NALF1: variants seen among roughly 807,000 people sequenced by gnomAD.
NALF1 encodes the protein family with sequence similarity 155 member A.
NALF1 carries 3 observed loss-of-function variants against 48.4 expected under a neutral mutation model. The observed-to-expected ratio is 0.06, with a 90% confidence interval of 0.03 to 0.16. The LOEUF is 0.16. Ranked by LOEUF, NALF1 falls within the 10% of genes least tolerant of loss-of-function variation. The pLI is 1.00. For synonymous variants in NALF1, 262 were observed against 245.7 expected (o/e 1.07, Z -0.62); for missense variants, 526 against 571.5 (o/e 0.92, Z 0.81).
rs370889076 is a variant in NALF1 at position 107,359,972 on chromosome 13, G to A, written c.916-149217C>T. Among the ~76,000 whole-genome samples, 7 of 152,162 alleles carry A rather than the reference G, an allele frequency of 4.6e-5. No individual in the cohort carries two copies. In the South Asian group the frequency reaches 1.5e-3, roughly 32 times the overall value. ...TAATCATTTTTACTATGGGCACAAG[G>A]GAGAAATTGATTTCTAAAGTTGATG... On this transcript the variant is annotated intron_variant, in intron 1 of 2. Transcript: ENST00000375915.
intron 1 of NALF1, among the ~76,000 whole-genome samples, chr13:107,244,064 C>A (rs1880529514): frequency 6.6e-6 from 1 of 152,180 alleles, no homozygotes; most frequent in African/African-American, 2.4e-5. Flanking sequence ...GACTTCATAA[C>A]AATCTGTGCC....
chr13:107,220,599 G>A (rs1879971615), intron 1 of NALF1, among the ~76,000 whole-genome samples: 1 of 152,180 alleles, frequency 6.6e-6, no homozygotes, highest in Non-Finnish European at 1.5e-5. Flanking sequence ...CAGTAGATAG[G>A]TGCCTTGGGG....
rs965343318 is a variant in NALF1 at position 107,239,229 on chromosome 13, T to C, written c.916-28474A>G. On this transcript the variant is annotated intron_variant, in intron 1 of 2. Transcript: ENST00000375915. ...GAATTTATTCTCTCACAGTTATGGA[T>C]GCTAGAAGGCCAAAACTGAAGCGCC... Among the ~76,000 whole-genome samples, 6 of 152,332 alleles carry C rather than the reference T, an allele frequency of 3.9e-5. 1 individual carries two copies. Among genetic ancestry groups the C allele is most frequent in the Admixed American group, 6.5e-5 (1 of 15,306 alleles).
chr13:107,823,307 T>C (rs1879410833), intron 1 of NALF1, among the ~76,000 whole-genome samples: 1 of 152,180 alleles, frequency 6.6e-6, no homozygotes, highest in Non-Finnish European at 1.5e-5. Context: ...TTCAAGACCC[T>C]CACCCTTGCT....
At chr13:107,863,479 T>C (rs938658427) in intron 1 of NALF1, among the ~76,000 whole-genome samples, 4 of 152,134 alleles carry the variant, frequency 2.6e-5, no homozygotes, top group African/African-American at 9.7e-5. Flanking sequence ...TATTTCAAGT[T>C]TACAAGAAAC....
intron 1 of NALF1, among the ~76,000 whole-genome samples, chr13:107,490,068 A>T (rs537413424): frequency 3.9e-5 from 6 of 152,302 alleles, no homozygotes; most frequent in Non-Finnish European, 8.8e-5. Context: ...GGCTATTATT[A>T]AAAAATAACA....
chr13:107,301,127 C>T (rs1462156349), intron 1 of NALF1, among the ~76,000 whole-genome samples: 1 of 152,002 alleles, frequency 6.6e-6, no homozygotes, highest in African/African-American at 2.4e-5. Context: ...TACAAATTAT[C>T]TCTAAAATAT....
chr13:107,534,901 T>C (rs145023291), intron 1 of NALF1, among the ~76,000 whole-genome samples: 3 of 152,286 alleles, frequency 2.0e-5, no homozygotes, highest in African/African-American at 4.8e-5. Flanking sequence ...CGCATCCACA[T>C]ACCAAGATTT....
intron 1 of NALF1, among the ~76,000 whole-genome samples, chr13:107,574,296 T>A (rs1050820755): frequency 6.6e-6 from 1 of 152,148 alleles, no homozygotes; most frequent in African/African-American, 2.4e-5. Flanking sequence ...CATTCTCTGT[T>A]ACCCTATCCT....
rs1456600904 is a variant in NALF1 at position 107,362,384 on chromosome 13, T to C, written c.916-151629A>G. Among the ~76,000 whole-genome samples, 2 of 152,172 alleles carry C rather than the reference T, an allele frequency of 1.3e-5. No individual in the cohort carries two copies. Among genetic ancestry groups the C allele is most frequent in the Non-Finnish European group, 2.9e-5 (2 of 68,028 alleles). ...TGAAATCAAGGTGGTGTCAGGACCATGCTTCCTCTGAAACCTGTAGAGTAG... is the reference window on the plus strand; with the variant it reads ...TGAAATCAAGGTGGTGTCAGGACCACGCTTCCTCTGAAACCTGTAGAGTAG... On this transcript the variant is annotated intron_variant, in intron 1 of 2. Transcript: ENST00000375915. The surrounding 1 kb of genome is among the most constrained non-coding windows in gnomAD (Gnocchi z 4.6).
chr13:107,301,765 A>C (rs1246413632), intron 1 of NALF1, among the ~76,000 whole-genome samples: 2 of 152,144 alleles, frequency 1.3e-5, no homozygotes, highest in Non-Finnish European at 2.9e-5. Context: ...TATTATTCTC[A>C]CATATTTTGG....
At chr13:107,815,757 T>C (rs534765825) in intron 1 of NALF1, among the ~76,000 whole-genome samples, 47 of 152,278 alleles carry the variant, frequency 3.1e-4, no homozygotes, top group Non-Finnish European at 6.5e-4. Flanking sequence ...AACTGGTGAA[T>C]GGATAAAAAA....
intron 1 of NALF1, among the ~76,000 whole-genome samples, chr13:107,716,601 C>T (rs1386128458): frequency 4.6e-5 from 7 of 152,172 alleles, no homozygotes; most frequent in Non-Finnish European, 1.0e-4. Flanking sequence ...GGGCATTATG[C>T]TGAAAATACT....
At chr13:107,741,753 G>C (rs1029601869) in intron 1 of NALF1, among the ~76,000 whole-genome samples, 23 of 152,138 alleles carry the variant, frequency 1.5e-4, no homozygotes, top group Admixed American at 1.5e-3. Context: ...ATGAGAAACT[G>C]GCTGAGATAA....
chr13:107,859,877 T>A (rs1471696361), intron 1 of NALF1, among the ~76,000 whole-genome samples: 3 of 132,350 alleles, frequency 2.3e-5, no homozygotes, highest in Non-Finnish European at 3.0e-5. Flanking sequence ...ATCACGCCAC[T>A]GCACTCCAGC....
chr13:107,660,340 CA>C lies in NALF1; in HGVS notation c.915+205341del, dbSNP rs201136083. Among the ~76,000 whole-genome samples, 1,104 of 151,116 alleles carry C rather than the reference CA, an allele frequency of 7.3e-3. 18 individuals are homozygous for C. Among genetic ancestry groups the C allele is most frequent in the African/African-American group, 0.026 (1,066 of 41,166 alleles). ...ATCCCAGCCACTCGGGAGGCTGAGG[CA>C]GGAGAATTGCTTGAACCTGGGGGCA... On this transcript the variant is annotated intron_variant, in intron 1 of 2. Coordinates refer to ENST00000375915, the MANE Select transcript of NALF1 (RefSeq NM_001080396.3).
intron 1 of NALF1, chr13:107,320,754 T>C (rs980901581): frequency 3.3e-5 from 5 of 152,150 alleles, no homozygotes; most frequent in African/African-American, 9.7e-5. Flanking sequence ...TTTCCTCTTA[T>C]AACAAAAGCA....
intron 1 of NALF1, among the ~76,000 whole-genome samples, chr13:107,665,641 T>C (rs1169194976): frequency 4.6e-5 from 7 of 152,192 alleles, no homozygotes; most frequent in Non-Finnish European, 1.0e-4. Context: ...TGTTCTTTTA[T>C]ATTATTTTTC....
At chr13:107,739,683 C>G (rs1876575248) in intron 1 of NALF1, among the ~76,000 whole-genome samples, 3 of 152,096 alleles carry the variant, frequency 2.0e-5, no homozygotes, top group Admixed American at 2.0e-4. Flanking sequence ...GAGGAATCCC[C>G]AACCCCAGGT....
Sources: gnomAD v4.1 joint callset for allele counts (sites outside exome capture counted in the v4.1 genomes callset) on GRCh38, gnomAD v4.1.1 for gene constraint, Gnocchi (gnomAD v3.1) non-coding constraint, MANE v1.5 for transcripts, NCBI Gene and HGNC (gene_info 2026-07-23, HGNC 2026-07-21) for gene names.